The following MCPH1 variants were observed in gnomAD, a reference collection of about 807,000 sequenced individuals.
MCPH1 encodes the protein microcephalin 1.
Under a neutral mutation model 84.5 loss-of-function variants are expected in MCPH1, and 104 were observed. The ratio of observed to expected loss-of-function variants is 1.23; its 90% CI spans 1.05 to 1.45. MCPH1 has a LOEUF of 1.45. Ranked by LOEUF, MCPH1 falls within the 40% of genes most tolerant of loss-of-function variation. The pLI, the probability that MCPH1 is intolerant of heterozygous loss-of-function variation, is 0.00. For synonymous variants in MCPH1, 514 were observed against 366.8 expected (o/e 1.40, Z -4.58); for missense variants, 1,498 against 1,005.7 (o/e 1.49, Z -6.62).
chr8:6,612,157 G>A (rs1016583248), intron 12 of MCPH1, among the ~76,000 whole-genome samples: 19 of 152,126 alleles, frequency 1.2e-4, no homozygotes, highest in African/African-American at 4.6e-4. Context: ...ATCGCTCGGG[G>A]AATTCCAAGG....
chr8:6,546,338 C>T (rs2129574464), intron 12 of MCPH1, among the ~76,000 whole-genome samples: 1 of 152,304 alleles, frequency 6.6e-6, no homozygotes, highest in South Asian at 2.1e-4. Context: ...TCAACAGTAT[C>T]AGCTTGTACC....
chr8:6,562,578 T>TTTTTTTA, intron 12 of MCPH1: 2 of 880,188 alleles, frequency 2.3e-6, no homozygotes, highest in Non-Finnish European at 3.1e-6. Flanking sequence ...TTTTGGTTGT[T>TTTTTTTA]AAAACCTGAG....
intron 12 of MCPH1, chr8:6,532,261 A>G: frequency 3.2e-6 from 5 of 1,561,778 alleles, no homozygotes; most frequent in Non-Finnish European, 2.6e-6. Context: ...TTCATTGAGG[A>G]AGCTCCTGAC....
At chr8:6,497,707 C>T (rs183541848) in intron 11 of MCPH1, among the ~76,000 whole-genome samples, 12 of 152,222 alleles carry the variant, frequency 7.9e-5, no homozygotes, top group South Asian at 2.1e-4. Context: ...GCATATGTGG[C>T]GGCAGGAGGT....
chr8:6,550,502 T>C lies in MCPH1; in HGVS notation c.2214+50573T>C, dbSNP rs75524476. On this transcript the variant is annotated intron_variant, in intron 12 of 13. Coordinates refer to ENST00000344683, the MANE Select transcript of MCPH1 (RefSeq NM_024596.5). ...GGGGTGAAGCGGAAACAAGGGTATG[T>C]GCCAAAACTGGCCTGCTCACCATTT... Among the ~76,000 whole-genome samples the C allele has an allele frequency of 6.1e-3, 925 of 152,314 alleles. 15 individuals are homozygous for C. In the East Asian group the frequency reaches 0.062, roughly 10 times the overall value.
chr8:6,466,835 C>G (rs1024018725), intron 9 of MCPH1, among the ~76,000 whole-genome samples: 5 of 152,300 alleles, frequency 3.3e-5, no homozygotes, highest in Admixed American at 2.0e-4. Context: ...CTTGGCCTTC[C>G]AAAGTGCTGG....
intron 13 of MCPH1, chr8:6,622,081 G>C (rs1173954534): frequency 5.8e-6 from 2 of 347,700 alleles, no homozygotes; most frequent in Non-Finnish European, 1.2e-5. Flanking sequence ...CCGGCACTGG[G>C]GCCCAAGCCC....
chr8:6,643,004 C>T lies in MCPH1; in HGVS notation c.2463C>T (p.Thr821=), dbSNP rs764137311. 1.9e-6 allele frequency: 3 copies of T among 1,614,058 alleles called. No homozygotes were observed. The highest frequency in any genetic ancestry group is 8.5e-7 in the Non-Finnish European group (1 of 1,179,958). Residue 821 remains threonine (T), a synonymous_variant, in exon 14 of 14, where the codon ACC becomes ACT. Coordinates refer to ENST00000344683, the MANE Select transcript of MCPH1 (RefSeq NM_024596.5). ...TCGCTCTCTCTCTAGATTCCATCACCCAGCACAAGGTCTGTGCCCCTGAAA... is the reference window on the plus strand; with the variant it reads ...TCGCTCTCTCTCTAGATTCCATCACTCAGCACAAGGTCTGTGCCCCTGAAA... The part of the protein sequence containing the change: ...LSEKWVLDSI[T]QHKVCAPENY...
chr8:6,541,280 A>G (rs927390474), intron 12 of MCPH1, among the ~76,000 whole-genome samples: 1 of 152,176 alleles, frequency 6.6e-6, no homozygotes, highest in Non-Finnish European at 1.5e-5. Flanking sequence ...GCTTAGAGAA[A>G]GTCAGTGCCC....
At chr8:6,477,544 T>C (rs771604992) in intron 9 of MCPH1, 50 bp from the exon 10 acceptor site, 2 of 1,542,458 alleles carry the variant, frequency 1.3e-6, no homozygotes, top group Non-Finnish European at 1.8e-6. Context: ...GGGAAAAATA[T>C]TTTTTATGTT....
At chr8:6,480,995 C>T (rs1177778646) in intron 11 of MCPH1, 119 bp downstream of exon 11, 2 of 1,208,792 alleles carry the variant, frequency 1.7e-6, no homozygotes, top group African/African-American at 1.5e-5. Flanking sequence ...TGCACACTTT[C>T]CTGTGAGCTG....
intron 12 of MCPH1, chr8:6,503,329 T>C: frequency 6.4e-7 from 1 of 1,564,584 alleles, no homozygotes; most frequent in Non-Finnish European, 8.8e-7. Flanking sequence ...AAGACAGCAA[T>C]ACTCAGCTAA....
At chr8:6,562,572 G>GTTGTTGTT (rs1491167455) in intron 12 of MCPH1, 40 of 43,308 alleles carry the variant, frequency 9.2e-4, no homozygotes, top group African/African-American at 6.3e-3. Flanking sequence ...TTTTTTTTTT[G>GTTGTTGTT]GTTGTTAAAA....
At chr8:6,530,208 G>A (rs1344902266) in intron 12 of MCPH1, among the ~76,000 whole-genome samples, 2 of 151,936 alleles carry the variant, frequency 1.3e-5, no homozygotes, top group Non-Finnish European at 2.9e-5. Flanking sequence ...GTGCAATTTT[G>A]CCATTGAAAG....
intron 13 of MCPH1, 124 bp downstream of exon 13, chr8:6,621,815 C>G: frequency 7.9e-7 from 1 of 1,272,530 alleles, no homozygotes; most frequent in East Asian, 2.3e-5. Context: ...ATGTCTCAGC[C>G]TCCAGCATCT....
At chr8:6,463,108 T>C (rs1457908835) in intron 9 of MCPH1, among the ~76,000 whole-genome samples, 6 of 152,218 alleles carry the variant, frequency 3.9e-5, no homozygotes, top group Non-Finnish European at 8.8e-5. Context: ...TATAGCCTTT[T>C]CTAAAAGCTC....
chr8:6,480,055 A>G (rs1044648691), intron 10 of MCPH1, among the ~76,000 whole-genome samples: 1 of 152,110 alleles, frequency 6.6e-6, no homozygotes, highest in Non-Finnish European at 1.5e-5. Flanking sequence ...TGAAAAACAA[A>G]TCATTGCCCC....
At chr8:6,603,480 C>G (rs1227829755) in intron 12 of MCPH1, among the ~76,000 whole-genome samples, 1 of 152,140 alleles carries the variant, frequency 6.6e-6, no homozygotes, top group Non-Finnish European at 1.5e-5. Flanking sequence ...TAAACACATA[C>G]CCTTTGCTCG....
At chr8:6,559,018 A>G (rs1825091925) in intron 12 of MCPH1, among the ~76,000 whole-genome samples, 2 of 152,154 alleles carry the variant, frequency 1.3e-5, no homozygotes, top group African/African-American at 4.8e-5. Flanking sequence ...CTTACTATAT[A>G]GTAATACTAA....
Sources: allele counts gnomAD v4.1 joint callset (sites outside exome capture counted in the v4.1 genomes callset), GRCh38; gene constraint gnomAD v4.1.1; transcripts MANE v1.5; gene names NCBI Gene and HGNC (gene_info 2026-07-23, HGNC 2026-07-21).